TBCD: variants seen among roughly 807,000 people sequenced by gnomAD.
TBCD encodes the protein tubulin-specific chaperone D.
A neutral mutation model predicts 169.3 loss-of-function variants in TBCD; 105 were observed. The observed-to-expected ratio is 0.62, with a 90% CI of 0.53 to 0.73. TBCD has a LOEUF of 0.73. Ranked by LOEUF, TBCD falls within the 30% of genes least tolerant of loss-of-function variation. TBCD has a pLI of 0.00. For missense variants in TBCD, 1,444 were observed against 1,600.1 expected (o/e 0.90, Z 1.66); for synonymous variants, 700 against 643.9 (o/e 1.09, Z -1.32).
intron 37 of TBCD, 109 bp downstream of exon 37, chr17:82,939,585 G>T: frequency 1.1e-6 from 1 of 895,526 alleles, no homozygotes; most frequent in Non-Finnish European, 1.7e-6. Context: ...GAGGAGGAAA[G>T]AGGGTTCCCA....
rs966488333 is a variant in TBCD at position 82,915,544 on chromosome 17, A to G, written c.2038+3755A>G. Among the ~76,000 whole-genome samples, 1 of 152,208 alleles carries G rather than the reference A, an allele frequency of 6.6e-6. No individual in the cohort carries two copies. Among genetic ancestry groups the G allele is most frequent in the South Asian group, 2.1e-4 (1 of 4,822 alleles). On this transcript the variant is annotated intron_variant, in intron 23 of 38. Transcript: ENST00000355528. The surrounding 1 kb of genome is among the most constrained non-coding windows in gnomAD (Gnocchi z 4.3). ...TGCTTTAGAATCAAAGGAAAGAAAC[A>G]GGAACTCTGTTTAGTGAAGCAGCGA...
At chr17:82,929,930 T>G (rs961413575) in intron 32 of TBCD, 1 of 332,612 alleles carries the variant, frequency 3.0e-6, no homozygotes, top group African/African-American at 2.1e-5. Context: ...GTGGCTGAGC[T>G]GTGGAACTTG....
At chr17:82,840,954 G>GTTTTTTTTTTT (rs1295995328) in intron 13 of TBCD, among the ~76,000 whole-genome samples, 4 of 44,278 alleles carry the variant, frequency 9.0e-5, no homozygotes, top group African/African-American at 2.4e-4. Flanking sequence ...AGACAAACTG[G>GTTTTTTTTTTT]TTTTTTTTTT....
rs576338657 is a variant in TBCD at position 82,940,217 on chromosome 17, G to GCACA, written c.3479+742_3479+743insACAC. 5.1e-3 allele frequency among the ~76,000 whole-genome samples: 519 copies of GCACA among 101,436 alleles called. 3 individuals are homozygous for GCACA. Among genetic ancestry groups the GCACA allele is most frequent in the African/African-American group, 0.016 (484 of 29,366 alleles). The allele number at this position is 101,436 out of a possible 152,430, so 66.5% of individuals were successfully genotyped here. On this transcript the variant is annotated intron_variant, in intron 37 of 38. Transcript: ENST00000355528. ...GGCTCACACACATGCTCACTTGCACGCGCGCACACACACACACACACACAC... is the reference window on the plus strand; with the variant it reads ...GGCTCACACACATGCTCACTTGCACGCACACGCGCACACACACACACACACACAC...
chr17:82,823,943 T>G (rs2052617579), intron 13 of TBCD, among the ~76,000 whole-genome samples: 1 of 151,998 alleles, frequency 6.6e-6, no homozygotes, highest in Non-Finnish European at 1.5e-5. Flanking sequence ...CTCCTTCCCT[T>G]CAACCCTTTG....
chr17:82,828,062 C>T (rs1012033163), intron 13 of TBCD, among the ~76,000 whole-genome samples: 1 of 147,450 alleles, frequency 6.8e-6, no homozygotes, highest in Non-Finnish European at 1.5e-5. Context: ...CCCACAGATA[C>T]GCACATGTGC....
chr17:82,898,143 C>G (rs1247299261), intron 17 of TBCD, among the ~76,000 whole-genome samples: 1 of 149,468 alleles, frequency 6.7e-6, no homozygotes, highest in African/African-American at 2.5e-5. Context: ...TTTTCGTGAG[C>G]ATTGAGCCCC....
chr17:82,806,080 C>A lies in TBCD; in HGVS notation c.1087+69C>A. The A allele has an allele frequency of 3.8e-6, 6 of 1,574,178 alleles. No homozygotes were observed. The highest frequency in any genetic ancestry group is 5.2e-6 in the Non-Finnish European group (6 of 1,154,242). ...GGGCCAATTCCCCTCTACTCCAGGA[C>A]CACACTTCCTTCTTCCTTGCTGGTG... is the stretch of plus-strand genomic sequence containing the variant. On this transcript the variant is annotated intron_variant, in intron 10 of 38. Transcript: ENST00000355528. This position sits in a 1 kb window ranked among gnomAD's most constrained non-coding sequence, Gnocchi z 5.1.
chr17:82,806,845 C>T lies in TBCD; in HGVS notation c.1088-763C>T, dbSNP rs1168167151. Among the ~76,000 whole-genome samples, 1 of 152,228 alleles carries T rather than the reference C, an allele frequency of 6.6e-6. No homozygotes were observed. The highest frequency in any genetic ancestry group is 1.5e-5 in the Non-Finnish European group (1 of 68,036). On this transcript the variant is annotated intron_variant, in intron 10 of 38. Transcript: ENST00000355528. This position sits in a 1 kb window ranked among gnomAD's most constrained non-coding sequence, Gnocchi z 5.1. ...CTTGACCTTTGCTTCTCAGAGCCCT[C>T]CCTGGTTGCGTGGTAGGCGCCCGCA...
intron 13 of TBCD, among the ~76,000 whole-genome samples, chr17:82,828,423 T>A (rs1046964113): frequency 6.2e-5 from 9 of 146,314 alleles, no homozygotes; most frequent in Non-Finnish European, 1.3e-4. Context: ...CACCCGCAGA[T>A]ATGTACACGT....
chr17:82,899,163 G>A (rs920251642), intron 17 of TBCD, among the ~76,000 whole-genome samples: 36 of 112,220 alleles, frequency 3.2e-4, no homozygotes, highest in African/African-American at 7.6e-4. Flanking sequence ...CAGCGTGTCC[G>A]CAGTGCGCGC....
chr17:82,909,900 C>G (rs1294075099), intron 22 of TBCD, among the ~76,000 whole-genome samples: 1 of 152,230 alleles, frequency 6.6e-6, no homozygotes, highest in East Asian at 1.9e-4. Context: ...CCTGTCTGCT[C>G]TGACAGATTG....
chr17:82,811,589 T>G (rs1239733811), intron 12 of TBCD, among the ~76,000 whole-genome samples: 1 of 152,212 alleles, frequency 6.6e-6, no homozygotes, highest in Non-Finnish European at 1.5e-5. Flanking sequence ...CTCTGGTCAG[T>G]GCCTGCCTTC....
intron 13 of TBCD, among the ~76,000 whole-genome samples, chr17:82,843,935 G>C (rs76527241): frequency 0.01 from 1,537 of 152,236 alleles, 32 homozygotes; most frequent in African/African-American, 0.034. Flanking sequence ...TTTTATGTCA[G>C]TAGTGATTCC....
intron 15 of TBCD, among the ~76,000 whole-genome samples, chr17:82,887,152 TGTGTGTGTGTGTGTGTGCGC>T (rs1759009167): frequency 9.2e-6 from 1 of 108,538 alleles, no homozygotes; most frequent in South Asian, 3.2e-4. Flanking sequence ...TGTGTGTGTG[TGTGTGTGTGTGTGTGTGCGC>T]GCGCGCGCAC....
chr17:82,880,834 C>G lies in TBCD; in HGVS notation c.1476-3311C>G, dbSNP rs1329194070. On this transcript the variant is annotated intron_variant, in intron 14 of 38. Coordinates refer to ENST00000355528, the MANE Select transcript of TBCD (RefSeq NM_005993.5). The surrounding 1 kb of genome is among the most constrained non-coding windows in gnomAD (Gnocchi z 5.0). ...GAGGGACTTTGTTGTTGCCGTCTCC[C>G]CAGGGTGCAGAGCGTGGTGGTTTGT... 6.6e-6 allele frequency among the ~76,000 whole-genome samples: 1 copy of G among 152,192 alleles called. No homozygotes were observed. The highest frequency in any genetic ancestry group is 1.5e-5 in the Non-Finnish European group (1 of 68,028).
intron 7 of TBCD, chr17:82,795,618 G>T: frequency 1.0e-6 from 1 of 985,240 alleles, no homozygotes; most frequent in Non-Finnish European, 1.2e-6. Flanking sequence ...GATTTCAGCC[G>T]CTCGCAGGTT....
In TBCD at chr17:82,922,999, C is replaced by T. The variant is rs11868138; in HGVS notation, c.2179-653C>T. ...GCAGCAATTGCCGTCCCTCCCACCA[C>T]GGTTCCTGGTGGCCTTGGGATGGGT... On this transcript the variant is annotated intron_variant, in intron 25 of 38. Transcript: ENST00000355528. The surrounding 1 kb of genome is among the most constrained non-coding windows in gnomAD (Gnocchi z 4.1). Among the ~76,000 whole-genome samples, 958 of 152,316 alleles carry T rather than the reference C, an allele frequency of 6.3e-3. 5 individuals carry two copies. The highest frequency in any genetic ancestry group is 0.022 in the African/African-American group (911 of 41,572).
chr17:82,810,205 G>A (rs2051327290), intron 12 of TBCD, among the ~76,000 whole-genome samples: 1 of 152,222 alleles, frequency 6.6e-6, no homozygotes, highest in African/African-American at 2.4e-5. Context: ...TTAACGAAAT[G>A]TGAGGCTTTG....
Sources: allele counts gnomAD v4.1 joint callset (sites outside exome capture counted in the v4.1 genomes callset), GRCh38; gene constraint gnomAD v4.1.1; non-coding constraint Gnocchi (gnomAD v3.1); transcripts MANE v1.5; gene names NCBI Gene and HGNC (gene_info 2026-07-23, HGNC 2026-07-21).